C12orf54: variants seen among roughly 807,000 people sequenced by gnomAD.
C12orf54 encodes the protein chromosome 12 open reading frame 54.
Under a neutral mutation model 26.4 loss-of-function variants are expected in C12orf54, and 24 were observed. The observed-to-expected ratio is 0.91, with a 90% CI of 0.66 to 1.28. The LOEUF (loss-of-function observed/expected upper bound fraction) is 1.28. Ranked by LOEUF, C12orf54 falls within the 50% of genes most tolerant of loss-of-function variation. C12orf54 has a pLI of 0.00. For missense variants in C12orf54, 154 were observed against 150.9 expected (o/e 1.02, Z -0.11); for synonymous variants, 54 against 47.0 (o/e 1.15, Z -0.61).
At chr12:48,472,831 C>A in the C12orf54 span, 3 of 1,614,098 alleles carry the variant, frequency 1.9e-6, no homozygotes, top group South Asian at 3.3e-5. Context: ...GGCCTCACCT[C>A]AATTGCAAAC....
At chr12:48,451,412 C>G in the C12orf54 span, among the ~76,000 whole-genome samples, 1 of 152,090 alleles carries the variant, frequency 6.6e-6, no homozygotes, top group Non-Finnish European at 1.5e-5. Context: ...TGGAAGCATT[C>G]TCCCCTTGAA....
At chr12:48,446,080 T>A in the C12orf54 span, among the ~76,000 whole-genome samples, 1 of 152,210 alleles carries the variant, frequency 6.6e-6, no homozygotes, top group East Asian at 1.9e-4. Flanking sequence ...AACATAACCA[T>A]ACTTCTGTCT....
intron 4 of C12orf54, chr12:48,488,481 CAAAAAAAA>C (rs551426749): frequency 2.0e-5 from 4 of 204,168 alleles, no homozygotes; most frequent in African/African-American, 1.5e-4. Context: ...AACTTACAGC[CAAAAAAAA>C]AAAAAAGAAA....
At chr12:48,458,906 A>T in the C12orf54 span, among the ~76,000 whole-genome samples, 1 of 152,118 alleles carries the variant, frequency 6.6e-6, no homozygotes, top group Non-Finnish European at 1.5e-5. Flanking sequence ...AATAGAACTT[A>T]TCAAATATTT....
chr12:48,486,610 A>G, intron 3 of C12orf54, 78 bp from the exon 4 acceptor site: 1 of 1,437,880 alleles, frequency 7.0e-7, no homozygotes, highest in Non-Finnish European at 9.7e-7. Flanking sequence ...CTTGTCTTCC[A>G]CCAGTTTCAT....
At position 48,489,929 on chromosome 12, in the gene C12orf54, T is replaced by C. The variant is rs189040829; in HGVS notation, c.169-883T>C. ...TAGAAATGGGGTTTCACCATGTTGATCAGGCTGGTCTTGAACTCCTGACCT... is the reference window on the plus strand; with the variant it reads ...TAGAAATGGGGTTTCACCATGTTGACCAGGCTGGTCTTGAACTCCTGACCT... On this transcript the variant is annotated intron_variant, in intron 5 of 8. Transcript: ENST00000548364. Among the ~76,000 whole-genome samples the C allele has an allele frequency of 7.0e-3, 1,053 of 151,232 alleles. 10 individuals carry two copies. The highest frequency in any genetic ancestry group is 0.024 in the African/African-American group (994 of 41,180).
the C12orf54 span, among the ~76,000 whole-genome samples, chr12:48,418,810 A>T: frequency 2.0e-5 from 3 of 152,092 alleles, no homozygotes; most frequent in African/African-American, 7.2e-5. Flanking sequence ...CATGATGTTA[A>T]AAAAAATTTT....
chr12:48,444,271 C>CT, the C12orf54 span, among the ~76,000 whole-genome samples: 1 of 152,180 alleles, frequency 6.6e-6, no homozygotes, highest in African/African-American at 2.4e-5. Flanking sequence ...AACCTGGATT[C>CT]TTTTTGAGAA....
chr12:48,495,007 G>A (rs758641269), intron 8 of C12orf54, 28 bp downstream of exon 8: 1 of 1,529,242 alleles, frequency 6.5e-7, no homozygotes, highest in South Asian at 1.2e-5. Context: ...CCTTTCCCCT[G>A]AGCTCCACCC....
chr12:48,469,287 C>T, the C12orf54 span, among the ~76,000 whole-genome samples: 252 of 152,280 alleles, frequency 1.7e-3, 1 homozygote, highest in African/African-American at 5.8e-3. Context: ...ATGGACACTC[C>T]CAGAGCGGCC....
chr12:48,457,096 TG>T, the C12orf54 span, among the ~76,000 whole-genome samples: 2 of 152,230 alleles, frequency 1.3e-5, no homozygotes, highest in Non-Finnish European at 2.9e-5. Flanking sequence ...TATTAATATG[TG>T]GTCTCTGTGT....
intron 3 of C12orf54, 78 bp downstream of exon 3, chr12:48,486,286 A>G (rs1355730325): frequency 7.0e-7 from 1 of 1,430,496 alleles, no homozygotes; most frequent in Non-Finnish European, 9.7e-7. Flanking sequence ...GAGGTTGTAG[A>G]CAGGAGGCCA....
At chr12:48,457,949 C>A in the C12orf54 span, among the ~76,000 whole-genome samples, 1 of 152,188 alleles carries the variant, frequency 6.6e-6, no homozygotes, top group Non-Finnish European at 1.5e-5. Flanking sequence ...CTTCTCCCTC[C>A]TCTGACAGAT....
the C12orf54 span, among the ~76,000 whole-genome samples, chr12:48,439,827 A>G: frequency 6.6e-6 from 1 of 152,184 alleles, no homozygotes; most frequent in Non-Finnish European, 1.5e-5. Flanking sequence ...CAGCACACCA[A>G]CATGGCATAT....
the C12orf54 span, among the ~76,000 whole-genome samples, chr12:48,460,473 G>A: frequency 6.7e-6 from 1 of 149,628 alleles, no homozygotes; most frequent in Non-Finnish European, 1.5e-5. Flanking sequence ...AATGACACCA[G>A]ATGGAAATCT....
At chr12:48,467,330 C>T in the C12orf54 span, among the ~76,000 whole-genome samples, 1 of 152,176 alleles carries the variant, frequency 6.6e-6, no homozygotes, top group African/African-American at 2.4e-5. Context: ...ACCTTGATTT[C>T]AGACTTCTGG....
At chr12:48,453,106 T>C in the C12orf54 span, among the ~76,000 whole-genome samples, 6 of 152,270 alleles carry the variant, frequency 3.9e-5, no homozygotes, top group African/African-American at 1.4e-4. Context: ...CCATCAATGA[T>C]AGACTGGATA....
At chr12:48,439,996 G>C in the C12orf54 span, among the ~76,000 whole-genome samples, 6 of 152,136 alleles carry the variant, frequency 3.9e-5, no homozygotes, top group African/African-American at 1.4e-4. Context: ...AGGCTGATGT[G>C]CGTGGATGGC....
chr12:48,425,447 T>C, the C12orf54 span, among the ~76,000 whole-genome samples: 56 of 152,264 alleles, frequency 3.7e-4, no homozygotes, highest in African/African-American at 1.3e-3. Flanking sequence ...GTGGTGAAAA[T>C]GTACCACGTT....
Sources: gnomAD v4.1 joint callset for allele counts (sites outside exome capture counted in the v4.1 genomes callset) on GRCh38, gnomAD v4.1.1 for gene constraint, MANE v1.5 for transcripts, NCBI Gene and HGNC (gene_info 2026-07-23, HGNC 2026-07-21) for gene names.